PRELID2: variants seen among roughly 807,000 people sequenced by gnomAD.
The protein encoded by PRELID2 is PRELI domain containing 2.
Under a neutral mutation model 28.4 loss-of-function variants are expected in PRELID2, and 25 were observed. That is an observed-to-expected ratio of 0.88 (90% CI 0.64 to 1.23). The LOEUF (loss-of-function observed/expected upper bound fraction) is 1.23. PRELID2 is among the 50% of genes most tolerant of loss of function. PRELID2 has a pLI of 0.00. For synonymous variants in PRELID2, 76 were observed against 71.6 expected (o/e 1.06, Z -0.31); for missense variants, 201 against 214.4 (o/e 0.94, Z 0.39).
At chr5:145,810,482 A>G (rs1753853300) in intron 4 of PRELID2, among the ~76,000 whole-genome samples, 1 of 152,234 alleles carries the variant, frequency 6.6e-6, no homozygotes, top group African/African-American at 2.4e-5. Context: ...TTCCGAAACT[A>G]AAATACAAGT....
the PRELID2 span, among the ~76,000 whole-genome samples, chr5:145,302,163 T>C: frequency 2.6e-5 from 4 of 152,072 alleles, no homozygotes; most frequent in Non-Finnish European, 5.9e-5. Flanking sequence ...AATTTTTCTT[T>C]CTTTCTTTCT....
the PRELID2 span, among the ~76,000 whole-genome samples, chr5:145,295,509 G>T: frequency 6.6e-6 from 1 of 152,126 alleles, no homozygotes; most frequent in Non-Finnish European, 1.5e-5. Flanking sequence ...ATTGATTGTA[G>T]ATTTCATGAT....
chr5:145,507,716 G>A (rs961251434), intron 1 of PRELID2, among the ~76,000 whole-genome samples: 5 of 151,986 alleles, frequency 3.3e-5, no homozygotes, highest in African/African-American at 1.2e-4. Flanking sequence ...GCTTCAAGCC[G>A]ACAAGACTGT....
chr5:145,354,101 T>G, the PRELID2 span, among the ~76,000 whole-genome samples: 2 of 152,202 alleles, frequency 1.3e-5, no homozygotes, highest in Non-Finnish European at 1.5e-5. Context: ...GGTTTCAAAC[T>G]GTTTTACAAA....
intron 1 of PRELID2, among the ~76,000 whole-genome samples, chr5:145,630,037 C>T (rs1581013447): frequency 6.6e-6 from 1 of 152,146 alleles, no homozygotes. Flanking sequence ...ATGTCTGCTC[C>T]TTGAGGTCAA....
chr5:145,731,500 CACTT>C (rs1561562056), intron 1 of PRELID2, among the ~76,000 whole-genome samples: 1 of 152,186 alleles, frequency 6.6e-6, no homozygotes, highest in Non-Finnish European at 1.5e-5. Context: ...TGGAGCCAAA[CACTT>C]ACTATCTGAA....
intron 1 of PRELID2, among the ~76,000 whole-genome samples, chr5:145,651,489 T>C (rs1248432585): frequency 6.6e-6 from 1 of 152,158 alleles, no homozygotes; most frequent in Non-Finnish European, 1.5e-5. Flanking sequence ...CTGAGTAGCA[T>C]AACTGGGAGG....
chr5:145,449,751 A>G, the PRELID2 span, among the ~76,000 whole-genome samples: 1 of 152,062 alleles, frequency 6.6e-6, no homozygotes, highest in East Asian at 1.9e-4. Context: ...AGGCTCCAAT[A>G]GCTCCTAGCA....
the PRELID2 span, among the ~76,000 whole-genome samples, chr5:145,394,318 A>C: frequency 6.6e-6 from 1 of 152,050 alleles, no homozygotes; most frequent in Admixed American, 6.6e-5. Context: ...CATTCTCAGC[A>C]AAATATCACA....
chr5:145,560,056 G>A (rs899719187), intron 1 of PRELID2, among the ~76,000 whole-genome samples: 4 of 152,030 alleles, frequency 2.6e-5, no homozygotes, highest in Non-Finnish European at 5.9e-5. Context: ...CTACAGTTAG[G>A]CAAATCATCT....
At chr5:145,251,250 GATA>G in the PRELID2 span, among the ~76,000 whole-genome samples, 2 of 152,064 alleles carry the variant, frequency 1.3e-5, no homozygotes, top group East Asian at 3.9e-4. Context: ...GGATCATATG[GATA>G]ATACTATTGC....
chr5:145,350,056 C>T, the PRELID2 span, among the ~76,000 whole-genome samples: 2 of 152,094 alleles, frequency 1.3e-5, no homozygotes, highest in Non-Finnish European at 2.9e-5. Flanking sequence ...AAGCTTTAGA[C>T]GTACATTGAA....
At chr5:145,277,175 T>C in the PRELID2 span, among the ~76,000 whole-genome samples, 18 of 152,264 alleles carry the variant, frequency 1.2e-4, no homozygotes, top group Admixed American at 9.8e-4. Context: ...GGATTACTAC[T>C]GTGTCCCAGC....
the PRELID2 span, among the ~76,000 whole-genome samples, chr5:145,434,394 C>A: frequency 6.6e-6 from 1 of 152,094 alleles, no homozygotes; most frequent in African/African-American, 2.4e-5. Context: ...TATGTTCAGG[C>A]TTCAAAAAAC....
intron 1 of PRELID2, among the ~76,000 whole-genome samples, chr5:145,503,710 C>A (rs1478059956): frequency 1.3e-5 from 2 of 152,146 alleles, no homozygotes; most frequent in Non-Finnish European, 2.9e-5. Context: ...ATTAGGAAAT[C>A]ATTATCTAAA....
At chr5:145,498,193 A>AG (rs1203328217) in intron 1 of PRELID2, among the ~76,000 whole-genome samples, 1 of 152,118 alleles carries the variant, frequency 6.6e-6, no homozygotes, top group Non-Finnish European at 1.5e-5. Context: ...GGTAAAAAAA[A>AG]ACTAAATTAG....
chr5:145,428,812 G>A, the PRELID2 span, among the ~76,000 whole-genome samples: 1 of 152,294 alleles, frequency 6.6e-6, no homozygotes, highest in Admixed American at 6.5e-5. Flanking sequence ...ATAAGCAAGG[G>A]AGGCATGCAG....
the PRELID2 span, among the ~76,000 whole-genome samples, chr5:145,361,817 C>T: frequency 2.6e-5 from 4 of 152,142 alleles, no homozygotes; most frequent in Admixed American, 2.6e-4. Flanking sequence ...AGAGCCTTCA[C>T]TCAAGCTGTC....
At chr5:145,800,451 TC>T (rs1294171743) in intron 4 of PRELID2, among the ~76,000 whole-genome samples, 1 of 152,136 alleles carries the variant, frequency 6.6e-6, no homozygotes, top group African/African-American at 2.4e-5. Context: ...GTGACACTAA[TC>T]TTTCCTGTCT....
Sources: allele counts gnomAD v4.1 joint callset (sites outside exome capture counted in the v4.1 genomes callset), GRCh38; gene constraint gnomAD v4.1.1; transcripts MANE v1.5; gene names NCBI Gene and HGNC (gene_info 2026-07-23, HGNC 2026-07-21).